Variants in ASTN2 observed in about 807,000 individuals in gnomAD.
The protein encoded by ASTN2 is astrotactin-2.
In ASTN2, 54 loss-of-function variants were observed where a neutral mutation model predicts 139.8. The ratio of observed to expected loss-of-function variants is 0.39; its 90% CI spans 0.31 to 0.48. The LOEUF (loss-of-function observed/expected upper bound fraction) is 0.48. ASTN2 is among the 20% of genes least tolerant of loss of function. The probability of loss-of-function intolerance (pLI) is 0.95; values close to 1 mark genes in which losing one functional copy is unlikely to be tolerated. For synonymous variants in ASTN2, 756 were observed against 719.5 expected (o/e 1.05, Z -0.81); for missense variants, 1,565 against 1,725.1 (o/e 0.91, Z 1.64).
intron 4 of ASTN2, among the ~76,000 whole-genome samples, chr9:117,119,998 G>GTGTA (rs1829501957): frequency 2.4e-5 from 1 of 41,084 alleles, no homozygotes; most frequent in Non-Finnish European, 4.9e-5. Flanking sequence ...GTATGTGTGT[G>GTGTA]TGTGTGTGTG....
At chr9:116,719,709 A>T (rs1229246797) in intron 16 of ASTN2, among the ~76,000 whole-genome samples, 1 of 152,146 alleles carries the variant, frequency 6.6e-6, no homozygotes, top group Non-Finnish European at 1.5e-5. Context: ...AGGGGTCCAT[A>T]AGACAGGCTC....
chr9:116,847,228 G>T (rs1164186279), intron 11 of ASTN2, among the ~76,000 whole-genome samples: 1 of 152,108 alleles, frequency 6.6e-6, no homozygotes, highest in Admixed American at 6.5e-5. Context: ...TGATTCTCCT[G>T]CCTCAGCCTC....
chr9:117,394,779 C>A (rs1201101226), intron 1 of ASTN2, among the ~76,000 whole-genome samples: 4 of 152,226 alleles, frequency 2.6e-5, no homozygotes, highest in Admixed American at 2.0e-4. Context: ...GAGAGACAAG[C>A]AATAGAGGCG....
rs374248541 is a variant in ASTN2, at chr9:116,698,392, A to G, written c.2806+27379T>C. ...TCTTTGGCTGAAGTTGAGAAGTCCAATAGTCAAGTGGTAGAGGAGCAGAGT... is the reference window on the plus strand; with the variant it reads ...TCTTTGGCTGAAGTTGAGAAGTCCAGTAGTCAAGTGGTAGAGGAGCAGAGT... On this transcript the variant is annotated intron_variant, in intron 16 of 22. Transcript: ENST00000313400. This position sits in a 1 kb window ranked among gnomAD's most constrained non-coding sequence, Gnocchi z 4.4. 1.8e-5 allele frequency: 29 copies of G among 1,614,030 alleles called. No individual in the cohort carries two copies. The highest frequency in any genetic ancestry group is 1.6e-4 in the Middle Eastern group (1 of 6,080).
intron 3 of ASTN2, among the ~76,000 whole-genome samples, chr9:117,145,014 A>G (rs1830163033): frequency 6.6e-6 from 1 of 151,916 alleles, no homozygotes; most frequent in Non-Finnish European, 1.5e-5. Context: ...TTTTAGACTC[A>G]GGGGTACAAG....
intron 19 of ASTN2, among the ~76,000 whole-genome samples, chr9:116,533,477 G>A (rs1376289066): frequency 6.6e-6 from 1 of 152,148 alleles, no homozygotes; most frequent in Admixed American, 6.5e-5. Flanking sequence ...TGTCTGTTCA[G>A]TATGATATTG....
At chr9:116,554,589 C>G (rs1564112210) in intron 19 of ASTN2, among the ~76,000 whole-genome samples, 1 of 152,192 alleles carries the variant, frequency 6.6e-6, no homozygotes, top group African/African-American at 2.4e-5. Context: ...GTCCTTGACA[C>G]CTCTGTAACA....
chr9:116,508,097 G>A (rs902183433), intron 19 of ASTN2, among the ~76,000 whole-genome samples: 2 of 152,080 alleles, frequency 1.3e-5, no homozygotes, highest in African/African-American at 4.8e-5. Flanking sequence ...CTCCATGTTG[G>A]TCAGGGTGGT....
intron 11 of ASTN2, among the ~76,000 whole-genome samples, chr9:116,853,272 GA>G (rs1330787987): frequency 6.6e-6 from 1 of 151,854 alleles, no homozygotes; most frequent in Non-Finnish European, 1.5e-5. Context: ...GCTACTTTTA[GA>G]AAACCAAAAA....
At chr9:117,082,517 C>G (rs139935376) in intron 5 of ASTN2, among the ~76,000 whole-genome samples, 6 of 152,184 alleles carry the variant, frequency 3.9e-5, no homozygotes, top group Non-Finnish European at 8.8e-5. Context: ...CTTCCTAAAA[C>G]AGAAATGAAA....
chr9:116,639,442 CT>C (rs569843401), intron 17 of ASTN2, among the ~76,000 whole-genome samples: 2 of 151,766 alleles, frequency 1.3e-5, no homozygotes, highest in Admixed American at 6.6e-5. Flanking sequence ...TCTGGAATGA[CT>C]TTTTTTTTCT....
chr9:116,786,154 C>A (rs1034095482), intron 13 of ASTN2, among the ~76,000 whole-genome samples: 3 of 152,094 alleles, frequency 2.0e-5, no homozygotes, highest in Admixed American at 1.3e-4. Context: ...GGAAGCTGTT[C>A]CCCAGATATG....
rs562943903 is a variant in ASTN2 at position 116,466,188 on chromosome 9, T to C, written c.3497+21171A>G. On this transcript the variant is annotated intron_variant, in intron 20 of 22. Transcript: ENST00000313400. ...GTGGAAGAGTGATAGAGCTGGTACTTAATCAACTGCTGGTCCAGGGCTCCT... is the reference window on the plus strand; with the variant it reads ...GTGGAAGAGTGATAGAGCTGGTACTCAATCAACTGCTGGTCCAGGGCTCCT... Among the ~76,000 whole-genome samples, 132 of 152,280 alleles carry C rather than the reference T, an allele frequency of 8.7e-4. 1 individual carries two copies. The highest frequency in any genetic ancestry group is 2.6e-4 in the Non-Finnish European group (18 of 68,018).
At chr9:117,150,473 A>T (rs1465626925) in intron 3 of ASTN2, among the ~76,000 whole-genome samples, 2 of 152,184 alleles carry the variant, frequency 1.3e-5, no homozygotes, top group African/African-American at 4.8e-5. Context: ...CTTCGGTCTA[A>T]GGCTTCTGGG....
chr9:116,509,588 T>A (rs1346149117), intron 19 of ASTN2, among the ~76,000 whole-genome samples: 1 of 152,220 alleles, frequency 6.6e-6, no homozygotes, highest in Non-Finnish European at 1.5e-5. Flanking sequence ...CACCACACTG[T>A]CTTCCACAAT....
chr9:117,241,600 G>A (rs576685319), intron 2 of ASTN2, among the ~76,000 whole-genome samples: 18 of 152,264 alleles, frequency 1.2e-4, no homozygotes, highest in African/African-American at 3.1e-4. Flanking sequence ...AATAGGATTC[G>A]TGGTCCTATG....
chr9:116,671,130 A>C (rs886606970), intron 16 of ASTN2, among the ~76,000 whole-genome samples: 1 of 152,170 alleles, frequency 6.6e-6, no homozygotes, highest in African/African-American at 2.4e-5. Context: ...TTTTCATATT[A>C]AGTAAATAAA....
At chr9:117,071,974 A>C (rs1331880849) in intron 5 of ASTN2, among the ~76,000 whole-genome samples, 1 of 152,048 alleles carries the variant, frequency 6.6e-6, no homozygotes, top group Non-Finnish European at 1.5e-5. Context: ...CCGTCTTCTG[A>C]GTCAGTCACG....
chr9:116,722,819 A>G (rs947404424), intron 16 of ASTN2, among the ~76,000 whole-genome samples: 2 of 152,132 alleles, frequency 1.3e-5, no homozygotes, highest in African/African-American at 4.8e-5. Flanking sequence ...AAGAGTTAAA[A>G]TGACACTTAC....
Sources: gnomAD v4.1 joint callset for allele counts (sites outside exome capture counted in the v4.1 genomes callset) on GRCh38, gnomAD v4.1.1 for gene constraint, Gnocchi (gnomAD v3.1) non-coding constraint, MANE v1.5 for transcripts, NCBI Gene and HGNC (gene_info 2026-07-23, HGNC 2026-07-21) for gene names.